ADAM10: variants seen among roughly 807,000 people sequenced by gnomAD.
The protein encoded by ADAM10 is ADAM metallopeptidase domain 10.
A neutral mutation model predicts 90.1 loss-of-function variants in ADAM10; 17 were observed. The ratio of observed to expected loss-of-function variants is 0.19; its 90% CI spans 0.13 to 0.28. The LOEUF (loss-of-function observed/expected upper bound fraction) is 0.28. Ranked by LOEUF, ADAM10 falls within the 10% of genes least tolerant of loss-of-function variation. The pLI, the probability that ADAM10 is intolerant of heterozygous loss-of-function variation, is 1.00. For missense variants in ADAM10, 610 were observed against 914.3 expected (o/e 0.67, Z 4.29); for synonymous variants, 310 against 298.6 (o/e 1.04, Z -0.40).
intron 2 of ADAM10, among the ~76,000 whole-genome samples, chr15:58,715,839 T>A (rs1762613426): frequency 6.6e-6 from 1 of 152,198 alleles, no homozygotes; most frequent in African/African-American, 2.4e-5. Flanking sequence ...AAAATCTAAT[T>A]ATATAATAGG....
In ADAM10 at chr15:58,646,050, A is replaced by T; in HGVS notation, c.735+5T>A. 6.2e-7 allele frequency: 1 copy of T among 1,613,376 alleles called. No individual in the cohort carries two copies. The highest frequency in any genetic ancestry group is 8.5e-7 in the Non-Finnish European group (1 of 1,179,652). On this transcript the variant is annotated splice_donor_5th_base_variant and intron_variant, in intron 6 of 15. Transcript: ENST00000260408. ...ACTACTAAAATAGCGCATAATCATA[A>T]ATACCTGGGCAATCACAGCTTCTCG... is the stretch of plus-strand genomic sequence containing the variant.
At chr15:58,629,746 T>C (rs1423121877) in intron 9 of ADAM10, among the ~76,000 whole-genome samples, 1 of 152,096 alleles carries the variant, frequency 6.6e-6, no homozygotes, top group Non-Finnish European at 1.5e-5. Flanking sequence ...CATTTTAATT[T>C]AAAATTTGGA....
At chr15:58,691,676 C>CTTCTTTTTTTTTTTTTTTTTT (rs746349800) in intron 2 of ADAM10, 4 of 196,356 alleles carry the variant, frequency 2.0e-5, no homozygotes, top group African/African-American at 1.8e-4. Context: ...ACTTCTTCTT[C>CTTCTTTTTTTTTTTTTTTTTT]TTTTTTTTTT....
intron 1 of ADAM10, among the ~76,000 whole-genome samples, chr15:58,729,243 A>G (rs1047486847): frequency 3.3e-5 from 5 of 152,230 alleles, no homozygotes; most frequent in Non-Finnish European, 7.3e-5. Context: ...ACTACTCACT[A>G]TGTGTTCAAC....
At chr15:58,727,238 C>A (rs1314325788) in intron 1 of ADAM10, among the ~76,000 whole-genome samples, 1 of 142,432 alleles carries the variant, frequency 7.0e-6, no homozygotes, top group African/African-American at 2.7e-5. Flanking sequence ...TTGCCCAGGC[C>A]GTAGCGCAAC....
intron 2 of ADAM10, chr15:58,698,332 G>A (rs1185142288): frequency 4.6e-6 from 2 of 438,204 alleles, no homozygotes; most frequent in Non-Finnish European, 9.1e-6. Flanking sequence ...AGCACTGTGG[G>A]AGGCTGAGGC....
chr15:58,663,378 C>T (rs1257826684), intron 5 of ADAM10, among the ~76,000 whole-genome samples: 3 of 152,146 alleles, frequency 2.0e-5, no homozygotes, highest in Non-Finnish European at 4.4e-5. Flanking sequence ...GTTTCATATA[C>T]GCATGGGTCT....
At chr15:58,703,850 C>G (rs1346969190) in intron 2 of ADAM10, 1 of 152,878 alleles carries the variant, frequency 6.5e-6, no homozygotes, top group Non-Finnish European at 1.5e-5. Context: ...GCCTCCTGTA[C>G]AGCCTGCAGA....
At chr15:58,741,960 T>C (rs1257638535) in intron 1 of ADAM10, among the ~76,000 whole-genome samples, 1 of 152,200 alleles carries the variant, frequency 6.6e-6, no homozygotes, top group African/African-American at 2.4e-5. Context: ...AAGCATCTTA[T>C]GTGTCATTCT....
intron 10 of ADAM10, among the ~76,000 whole-genome samples, chr15:58,622,419 T>C (rs1245091259): frequency 6.6e-6 from 1 of 152,236 alleles, no homozygotes; most frequent in Non-Finnish European, 1.5e-5. Flanking sequence ...AGGTCTCTTA[T>C]GTTCTTTTAA....
At chr15:58,706,118 T>C (rs531874382) in intron 2 of ADAM10, among the ~76,000 whole-genome samples, 5 of 152,182 alleles carry the variant, frequency 3.3e-5, no homozygotes, top group Admixed American at 1.3e-4. Context: ...AAAGACAGTA[T>C]GGTTCTAATA....
intron 11 of ADAM10, among the ~76,000 whole-genome samples, chr15:58,620,688 G>C (rs1358347385): frequency 3.1e-5 from 1 of 32,298 alleles, no homozygotes; most frequent in Non-Finnish European, 4.1e-5. Context: ...TTGAGACGGA[G>C]TCTCGCTCTG....
At chr15:58,612,975 A>G (rs1467389980) in intron 11 of ADAM10, among the ~76,000 whole-genome samples, 3 of 152,182 alleles carry the variant, frequency 2.0e-5, no homozygotes, top group Admixed American at 6.5e-5. Context: ...ACGCATCCGC[A>G]ACTGGAAGCC....
At chr15:58,633,456 T>TAGATTAA in intron 8 of ADAM10, 97 bp from the exon 9 acceptor site, 1 of 1,070,860 alleles carries the variant, frequency 9.3e-7, no homozygotes, top group South Asian at 1.4e-5. Flanking sequence ...TTTTATATTT[T>TAGATTAA]AATCTAAAAT....
chr15:58,606,239 T>C (rs1433456375), intron 14 of ADAM10, among the ~76,000 whole-genome samples: 1 of 152,162 alleles, frequency 6.6e-6, no homozygotes, highest in Non-Finnish European at 1.5e-5. Context: ...AATACTATAG[T>C]CTGGGCTTTG....
intron 5 of ADAM10, among the ~76,000 whole-genome samples, chr15:58,655,711 G>GTGTGTGTATATATATATATATA (rs1212041296): frequency 1.5e-4 from 8 of 53,710 alleles, no homozygotes; most frequent in Admixed American, 2.8e-4. Flanking sequence ...TATATATATA[G>GTGTGTGTATATATATATATATA]TATATATATA....
At chr15:58,742,449 C>G (rs573086971) in intron 1 of ADAM10, among the ~76,000 whole-genome samples, 35 of 152,190 alleles carry the variant, frequency 2.3e-4, no homozygotes, top group Non-Finnish European at 4.1e-4. Context: ...ACATTACATA[C>G]ATTTTCGACT....
At chr15:58,647,704 C>T (rs1236321577) in intron 5 of ADAM10, among the ~76,000 whole-genome samples, 2 of 152,024 alleles carry the variant, frequency 1.3e-5, no homozygotes, top group Admixed American at 6.6e-5. Context: ...GCATGTATCA[C>T]CATGCCTGGC....
chr15:58,656,477 CTATCA>C (rs1222642038), intron 5 of ADAM10, among the ~76,000 whole-genome samples: 1 of 152,038 alleles, frequency 6.6e-6, no homozygotes, highest in South Asian at 2.1e-4. Context: ...TTTTGTGTAT[CTATCA>C]TATGTTTTTT....
Sources: allele counts gnomAD v4.1 joint callset (sites outside exome capture counted in the v4.1 genomes callset), GRCh38; gene constraint gnomAD v4.1.1; transcripts MANE v1.5; gene names NCBI Gene and HGNC (gene_info 2026-07-23, HGNC 2026-07-21).